CSMD1: variants seen among roughly 807,000 people sequenced by gnomAD.
The protein encoded by CSMD1 is CUB and sushi domain-containing protein 1.
Under a neutral mutation model 417.5 loss-of-function variants are expected in CSMD1, and 213 were observed. The ratio of observed to expected loss-of-function variants is 0.51; its 90% CI spans 0.46 to 0.57. The LOEUF (loss-of-function observed/expected upper bound fraction) is 0.57, where lower values mean the gene tolerates loss of function less well. Ranked by LOEUF, CSMD1 falls within the 20% of genes least tolerant of loss-of-function variation. CSMD1 has a pLI of 0.00. For missense variants in CSMD1, 6,923 were observed against 4,529.7 expected (o/e 1.53, Z -15.17); for synonymous variants, 2,862 against 1,736.8 (o/e 1.65, Z -16.11).
At chr8:3,682,503 C>A (rs888622254) in intron 7 of CSMD1, among the ~76,000 whole-genome samples, 2 of 152,130 alleles carry the variant, frequency 1.3e-5, no homozygotes, top group African/African-American at 2.4e-5. Context: ...TACCATCTCA[C>A]AACAGTTGGA....
chr8:3,545,444 G>A (rs1798617464), intron 10 of CSMD1, among the ~76,000 whole-genome samples: 1 of 152,174 alleles, frequency 6.6e-6, no homozygotes. Flanking sequence ...AAAAGCAGGT[G>A]CAAAACAGAA....
chr8:4,821,713 T>C (rs1799535515), intron 1 of CSMD1, among the ~76,000 whole-genome samples: 1 of 152,132 alleles, frequency 6.6e-6, no homozygotes, highest in African/African-American at 2.4e-5. Flanking sequence ...TTTGGTTGAA[T>C]TCCAAGCAAA....
At chr8:4,647,818 G>T (rs1232191366) in intron 1 of CSMD1, among the ~76,000 whole-genome samples, 1 of 152,186 alleles carries the variant, frequency 6.6e-6, no homozygotes, top group Non-Finnish European at 1.5e-5. Context: ...GTCTATCACT[G>T]ATGGGCGTTT....
intron 29 of CSMD1, among the ~76,000 whole-genome samples, chr8:3,218,944 T>C (rs1261694771): frequency 1.3e-5 from 2 of 152,212 alleles, no homozygotes; most frequent in African/African-American, 2.4e-5. Flanking sequence ...AATTATAAGG[T>C]GTTAAAACCC....
At chr8:3,260,389 C>T (rs1800968923) in intron 26 of CSMD1, among the ~76,000 whole-genome samples, 2 of 151,494 alleles carry the variant, frequency 1.3e-5, no homozygotes, top group Non-Finnish European at 2.9e-5. Context: ...AGTGGCCGAA[C>T]AGGTTTGGAA....
Position 3,096,994 on chromosome 8 carries a change from G to A in CSMD1, c.6993C>T (p.Val2331=), listed in dbSNP as rs1481238310. 3.2e-6 allele frequency: 5 copies of A among 1,555,652 alleles called. No individual in the cohort carries two copies. Among genetic ancestry groups the A allele is most frequent in the East Asian group, 2.4e-5 (1 of 41,566 alleles). ...ANEVRTGSSG[V]ILSPGYPGNY... Reference sequence around the variant, plus strand: ...TACCCGGATACCCTGGACTGAGAATGACTCCCGATGATCCAGTCCGGACTT... The same window carrying A: ...TACCCGGATACCCTGGACTGAGAATAACTCCCGATGATCCAGTCCGGACTT... The change falls in exon 47 of 70, where the codon GTC becomes GTT. Residue 2331 remains valine (V), a synonymous_variant. Coordinates refer to ENST00000635120, the MANE Select transcript of CSMD1 (RefSeq NM_033225.6).
chr8:3,094,045 TC>T (rs1351287509), intron 47 of CSMD1, among the ~76,000 whole-genome samples: 1 of 152,196 alleles, frequency 6.6e-6, no homozygotes, highest in African/African-American at 2.4e-5. Flanking sequence ...TTTTGAAATG[TC>T]ATTTTTAATG....
intron 3 of CSMD1, among the ~76,000 whole-genome samples, chr8:4,109,385 A>G (rs1419566532): frequency 6.6e-6 from 1 of 152,168 alleles, no homozygotes; most frequent in Non-Finnish European, 1.5e-5. Context: ...CATATAATAT[A>G]GTGACCTAGC....
intron 3 of CSMD1, among the ~76,000 whole-genome samples, chr8:4,279,162 C>T (rs189254932): frequency 1.3e-5 from 2 of 152,126 alleles, no homozygotes; most frequent in East Asian, 3.9e-4. Context: ...GAAATTATTC[C>T]CCATGCCAAG....
chr8:4,491,291 G>C (rs554686743), intron 2 of CSMD1, among the ~76,000 whole-genome samples: 1 of 152,280 alleles, frequency 6.6e-6, no homozygotes, highest in East Asian at 1.9e-4. Context: ...AAGAGGAGAT[G>C]CCTGACGTGC....
At chr8:4,365,910 G>A (rs1355377779) in intron 3 of CSMD1, among the ~76,000 whole-genome samples, 1 of 152,128 alleles carries the variant, frequency 6.6e-6, no homozygotes, top group East Asian at 1.9e-4. Context: ...CATCTTTAAA[G>A]TTTTATTATT....
intron 5 of CSMD1, 21 bp downstream of exon 5, chr8:3,997,882 G>C (rs750618989): frequency 1.9e-6 from 3 of 1,598,392 alleles, no homozygotes; most frequent in East Asian, 4.5e-5. Flanking sequence ...ATCCTTTGTG[G>C]CATCTCTTCC....
chr8:4,091,577 G>A (rs1050582690), intron 3 of CSMD1, among the ~76,000 whole-genome samples: 1 of 152,160 alleles, frequency 6.6e-6, no homozygotes, highest in Admixed American at 6.5e-5. Flanking sequence ...CTATCCCTCA[G>A]TATTATAATT....
intron 3 of CSMD1, among the ~76,000 whole-genome samples, chr8:4,338,611 A>C (rs1035453279): frequency 2.0e-5 from 3 of 152,108 alleles, no homozygotes; most frequent in African/African-American, 7.2e-5. Context: ...ACAGCAATTA[A>C]ATCTTTAAAT....
At chr8:3,635,240 C>A (rs987330241) in intron 7 of CSMD1, among the ~76,000 whole-genome samples, 1 of 151,986 alleles carries the variant, frequency 6.6e-6, no homozygotes, top group South Asian at 2.1e-4. Flanking sequence ...CTTTCAGAAT[C>A]CTAGGTGGGT....
rs1323883329 is a variant in CSMD1 at position 3,350,456 on chromosome 8, G to C, written c.3305-2295C>G. 4.6e-5 allele frequency among the ~76,000 whole-genome samples: 7 copies of C among 152,106 alleles called. No homozygotes were observed. In the East Asian group the frequency reaches 1.2e-3, roughly 25 times the overall value. On this transcript the variant is annotated intron_variant, in intron 21 of 69. Coordinates refer to ENST00000635120, the MANE Select transcript of CSMD1 (RefSeq NM_033225.6). ...TTCCCAAGGTCACACAGCTAGTACA[G>C]ATTAATTACTGATGTGATATAAACT... is the stretch of plus-strand genomic sequence containing the variant.
At chr8:3,375,829 T>A (rs575516251) in intron 18 of CSMD1, among the ~76,000 whole-genome samples, 1 of 152,140 alleles carries the variant, frequency 6.6e-6, no homozygotes, top group Non-Finnish European at 1.5e-5. Context: ...ATCATCTACC[T>A]TCAGTGATTC....
intron 1 of CSMD1, among the ~76,000 whole-genome samples, chr8:4,966,253 C>A (rs982476536): frequency 2.7e-5 from 4 of 150,216 alleles, no homozygotes; most frequent in Non-Finnish European, 5.9e-5. Flanking sequence ...GTGGCACATG[C>A]CTGTAATCCC....
At chr8:4,351,169 T>C (rs569727686) in intron 3 of CSMD1, among the ~76,000 whole-genome samples, 5 of 151,466 alleles carry the variant, frequency 3.3e-5, no homozygotes, top group Admixed American at 3.3e-4. Flanking sequence ...AAAAAAAAAT[T>C]AGGGAAAGAA....
Sources: gnomAD v4.1 joint callset for allele counts (sites outside exome capture counted in the v4.1 genomes callset) on GRCh38, gnomAD v4.1.1 for gene constraint, MANE v1.5 for transcripts, NCBI Gene and HGNC (gene_info 2026-07-23, HGNC 2026-07-21) for gene names.